The following PPP3CA variants were observed in gnomAD, a reference collection of about 807,000 sequenced individuals.
The protein encoded by PPP3CA is CAM-PRP catalytic subunit.
PPP3CA carries 14 observed loss-of-function variants against 66.5 expected under a neutral mutation model. The ratio of observed to expected loss-of-function variants is 0.21; its 90% CI spans 0.14 to 0.33. PPP3CA has a LOEUF of 0.33. PPP3CA is among the 10% of genes least tolerant of loss of function. The pLI is 1.00. For missense variants in PPP3CA, 317 were observed against 639.5 expected (o/e 0.50, Z 5.44); for synonymous variants, 232 against 226.2 (o/e 1.03, Z -0.23).
intron 2 of PPP3CA, among the ~76,000 whole-genome samples, chr4:101,110,172 G>C (rs1354964830): frequency 1.3e-5 from 2 of 152,156 alleles, no homozygotes; most frequent in Non-Finnish European, 2.9e-5. Context: ...GGCTGCTTCT[G>C]CAACACTAAG....
At chr4:101,242,532 TA>T (rs34749087) in intron 1 of PPP3CA, among the ~76,000 whole-genome samples, 84,299 of 151,502 alleles carry the variant, frequency 0.56, 27,305 homozygotes, top group Non-Finnish European at 0.74. Flanking sequence ...AATATTGGTT[TA>T]AATAAAAAAA....
At chr4:101,059,753 T>TA (rs1483406181) in intron 10 of PPP3CA, among the ~76,000 whole-genome samples, 1 of 152,144 alleles carries the variant, frequency 6.6e-6, no homozygotes, top group Admixed American at 6.6e-5. Flanking sequence ...CCTTTATTTA[T>TA]AATTTGTGTC....
intron 8 of PPP3CA, among the ~76,000 whole-genome samples, chr4:101,074,762 T>C (rs1212518212): frequency 1.3e-5 from 2 of 152,260 alleles, no homozygotes; most frequent in African/African-American, 4.8e-5. Context: ...TCAGCAATTA[T>C]ATCAAGTTGC....
intron 2 of PPP3CA, among the ~76,000 whole-genome samples, chr4:101,182,638 C>A (rs1724277044): frequency 6.6e-6 from 1 of 152,088 alleles, no homozygotes; most frequent in Admixed American, 6.6e-5. Flanking sequence ...CTGATGGTAG[C>A]TATGGTAGGA....
intron 10 of PPP3CA, among the ~76,000 whole-genome samples, chr4:101,044,438 T>A (rs1178533143): frequency 6.6e-6 from 1 of 152,170 alleles, no homozygotes; most frequent in African/African-American, 2.4e-5. Flanking sequence ...CAAATTAAAA[T>A]TCAGTATATT....
At chr4:101,260,562 C>G (rs1726980005) in intron 1 of PPP3CA, among the ~76,000 whole-genome samples, 1 of 152,074 alleles carries the variant, frequency 6.6e-6, no homozygotes, top group Non-Finnish European at 1.5e-5. Context: ...ATTAAATGAT[C>G]CTTCATCAAA....
intron 1 of PPP3CA, among the ~76,000 whole-genome samples, chr4:101,301,412 TATTAA>T (rs1728371045): frequency 6.8e-6 from 1 of 147,824 alleles, no homozygotes; most frequent in Non-Finnish European, 1.5e-5. Context: ...CCATTATGTA[TATTAA>T]ATTTATATAT....
At chr4:101,326,499 T>C (rs1171802553) in intron 1 of PPP3CA, among the ~76,000 whole-genome samples, 1 of 152,198 alleles carries the variant, frequency 6.6e-6, no homozygotes, top group African/African-American at 2.4e-5. Flanking sequence ...GCAAAAAGAA[T>C]GGTAATGTGT....
intron 1 of PPP3CA, among the ~76,000 whole-genome samples, chr4:101,330,566 A>G (rs1267561664): frequency 1.3e-5 from 2 of 152,186 alleles, no homozygotes; most frequent in African/African-American, 4.8e-5. Flanking sequence ...ACTACAGTAT[A>G]GTGTAAACAT....
At chr4:101,189,277 C>T (rs1290344976) in intron 2 of PPP3CA, among the ~76,000 whole-genome samples, 2 of 151,942 alleles carry the variant, frequency 1.3e-5, no homozygotes, top group African/African-American at 2.4e-5. Context: ...ACAAATCAGC[C>T]GTGCAGTTAT....
chr4:101,245,604 C>G (rs1726451851), intron 1 of PPP3CA, among the ~76,000 whole-genome samples: 1 of 152,082 alleles, frequency 6.6e-6, no homozygotes, highest in African/African-American at 2.4e-5. Context: ...CTCTATGTAT[C>G]CAGTTTATCT....
chr4:101,085,857 C>CACAG (rs376573963), intron 6 of PPP3CA, among the ~76,000 whole-genome samples: 227 of 110,596 alleles, frequency 2.1e-3, no homozygotes, highest in South Asian at 4.7e-3. Context: ...CACACACACA[C>CACAG]AGAGAGAGAG....
rs141797790 is a variant in PPP3CA, at chr4:101,207,644, T to C, written c.59-11528A>G. Among the ~76,000 whole-genome samples, 1,219 of 152,194 alleles carry C rather than the reference T, an allele frequency of 8.0e-3. 16 individuals are homozygous for C. Among genetic ancestry groups the C allele is most frequent in the African/African-American group, 0.028 (1,170 of 41,510 alleles). ...GAGTTCAAGACCAGCCTGGCCAACA[T>C]GGTGAAACCCCGTCTCTACCAAAAA... On this transcript the variant is annotated intron_variant, in intron 1 of 13. Transcript: ENST00000394854.
At chr4:101,329,795 T>C (rs1729322324) in intron 1 of PPP3CA, among the ~76,000 whole-genome samples, 1 of 152,154 alleles carries the variant, frequency 6.6e-6, no homozygotes, top group Admixed American at 6.5e-5. Context: ...GCACATCTGT[T>C]TACAGCATTG....
chr4:101,203,612 T>C (rs1419842723), intron 1 of PPP3CA, among the ~76,000 whole-genome samples: 1 of 152,160 alleles, frequency 6.6e-6, no homozygotes, highest in Non-Finnish European at 1.5e-5. Flanking sequence ...TTCAAAATAG[T>C]TTTTAAATGT....
At chr4:101,048,942 T>G (rs1315139327) in intron 10 of PPP3CA, among the ~76,000 whole-genome samples, 1 of 152,144 alleles carries the variant, frequency 6.6e-6, no homozygotes, top group Non-Finnish European at 1.5e-5. Context: ...TAATGGATTT[T>G]AAGGGTGTAA....
chr4:101,028,164 T>A (rs1478709939), intron 13 of PPP3CA, among the ~76,000 whole-genome samples: 1 of 152,162 alleles, frequency 6.6e-6, no homozygotes, highest in African/African-American at 2.4e-5. Context: ...CAAAGGACCA[T>A]ATGCACATAA....
At chr4:101,204,060 C>T (rs1397844907) in intron 1 of PPP3CA, among the ~76,000 whole-genome samples, 3 of 152,150 alleles carry the variant, frequency 2.0e-5, no homozygotes, top group Admixed American at 6.5e-5. Context: ...GCCTCAACCT[C>T]CTGAGCTCAA....
At chr4:101,346,274 G>A (rs995974748) in intron 1 of PPP3CA, among the ~76,000 whole-genome samples, 3 of 152,078 alleles carry the variant, frequency 2.0e-5, no homozygotes, top group East Asian at 1.9e-4. Flanking sequence ...TCGGTGGAAA[G>A]CCACGGCCAC....
Sources: allele counts gnomAD v4.1 joint callset (sites outside exome capture counted in the v4.1 genomes callset), GRCh38; gene constraint gnomAD v4.1.1; transcripts MANE v1.5; gene names NCBI Gene and HGNC (gene_info 2026-07-23, HGNC 2026-07-21).